KCNH1: variants seen among roughly 807,000 people sequenced by gnomAD.
KCNH1 encodes potassium voltage-gated channel subfamily H member 1, also known as voltage-gated delayed rectifier potassium channel KCNH1.
In KCNH1, 27 loss-of-function variants were observed where a neutral mutation model predicts 69.2. The ratio of observed to expected loss-of-function variants is 0.39; its 90% CI spans 0.29 to 0.54. The LOEUF (loss-of-function observed/expected upper bound fraction) is 0.54. KCNH1 is among the 20% of genes least tolerant of loss of function. The pLI is 0.68. For synonymous variants in KCNH1, 456 were observed against 487.7 expected (o/e 0.93, Z 0.86); for missense variants, 798 against 1,261.6 (o/e 0.63, Z 5.57).
intron 1 of KCNH1, among the ~76,000 whole-genome samples, chr1:211,126,124 G>T (rs891637949): frequency 6.6e-6 from 1 of 152,136 alleles, no homozygotes; most frequent in Non-Finnish European, 1.5e-5. Context: ...CAGCACTTTG[G>T]GTAGCTGAGG....
At chr1:210,938,997 G>T (rs1687830878) in intron 6 of KCNH1, among the ~76,000 whole-genome samples, 1 of 152,114 alleles carries the variant, frequency 6.6e-6, no homozygotes, top group Admixed American at 6.6e-5. Flanking sequence ...TGTCTTTATG[G>T]ATGAAAAATT....
chr1:210,887,751 G>C (rs1428284667), intron 7 of KCNH1, among the ~76,000 whole-genome samples: 67 of 150,194 alleles, frequency 4.5e-4, no homozygotes, highest in Admixed American at 1.3e-4. Context: ...AAAAGCAGGG[G>C]TGGCAATGCT....
intron 5 of KCNH1, among the ~76,000 whole-genome samples, chr1:211,038,864 G>T (rs1689944331): frequency 6.6e-6 from 1 of 152,204 alleles, no homozygotes; most frequent in South Asian, 2.1e-4. Flanking sequence ...TAAAAGTTCA[G>T]AAAATTTGCA....
At chr1:210,692,594 A>G (rs952087868) in intron 10 of KCNH1, among the ~76,000 whole-genome samples, 7 of 152,228 alleles carry the variant, frequency 4.6e-5, no homozygotes, top group African/African-American at 1.4e-4. Flanking sequence ...TAAGCAAGGT[A>G]AGGATCTCAA....
intron 7 of KCNH1, among the ~76,000 whole-genome samples, chr1:210,828,348 T>G (rs758914627): frequency 3.3e-5 from 5 of 152,064 alleles, no homozygotes; most frequent in Non-Finnish European, 7.4e-5. Flanking sequence ...CACAGTGTAA[T>G]AAAAGGATAA....
chr1:210,922,907 G>T (rs545292209), intron 6 of KCNH1, among the ~76,000 whole-genome samples: 1 of 152,152 alleles, frequency 6.6e-6, no homozygotes, highest in Non-Finnish European at 1.5e-5. Context: ...TCATAAGGAG[G>T]TCCCTGAAAT....
intron 5 of KCNH1, among the ~76,000 whole-genome samples, chr1:211,060,710 G>C (rs1016553629): frequency 6.6e-6 from 1 of 152,010 alleles, no homozygotes; most frequent in Non-Finnish European, 1.5e-5. Context: ...GGAAAACCTA[G>C]AAGAAATGGG....
In KCNH1 at chr1:210,786,273, T is replaced by C. The variant is rs535220730; in HGVS notation, c.1916-10729A>G. On this transcript the variant is annotated intron_variant, in intron 9 of 10. Coordinates refer to ENST00000271751, the MANE Select transcript of KCNH1 (RefSeq NM_172362.3). The stretch of plus-strand genomic sequence containing the variant: ...GCACACACGTACGGTGTTTAGCATT[T>C]TTATCTCTGAAATCAAAATGTGCCA... 1.7e-4 allele frequency among the ~76,000 whole-genome samples: 26 copies of C among 152,314 alleles called. 1 individual carries two copies. The South Asian group carries it at 5.0e-3, about 29-fold the overall frequency.
In KCNH1 at chr1:210,795,243, C is replaced by T. The variant is rs1432148140; in HGVS notation, c.1915+2265G>A. ...TGTGATCACGTCTCACTGCAACCTC[C>T]GCTTCTGATCCTCCCACCTAAGTCT... On this transcript the variant is annotated intron_variant, in intron 9 of 10. Transcript: ENST00000271751. Among the ~76,000 whole-genome samples the T allele has an allele frequency of 7.2e-5, 11 of 152,236 alleles. 1 individual carries two copies. The South Asian group carries it at 1.2e-3, about 17-fold the overall frequency.
At chr1:210,915,422 T>C (rs1307238840) in intron 7 of KCNH1, among the ~76,000 whole-genome samples, 2 of 152,190 alleles carry the variant, frequency 1.3e-5, no homozygotes, top group African/African-American at 4.8e-5. Flanking sequence ...AGGGCTGGCA[T>C]GGCCTTGTGT....
At chr1:210,821,737 C>T (rs565632209) in intron 7 of KCNH1, among the ~76,000 whole-genome samples, 3 of 151,958 alleles carry the variant, frequency 2.0e-5, no homozygotes, top group East Asian at 1.9e-4. Flanking sequence ...TGAAGCTGTA[C>T]GACTATTTAA....
At chr1:211,056,026 G>A (rs1387071614) in intron 5 of KCNH1, among the ~76,000 whole-genome samples, 3 of 152,136 alleles carry the variant, frequency 2.0e-5, no homozygotes, top group East Asian at 1.9e-4. Context: ...CCTTTTGCTT[G>A]AGGAAGGGAG....
chr1:211,002,141 C>T (rs974346894), intron 6 of KCNH1, among the ~76,000 whole-genome samples: 2 of 151,820 alleles, frequency 1.3e-5, no homozygotes, highest in East Asian at 3.9e-4. Context: ...TGCACATGTA[C>T]ACATATGTAA....
At chr1:211,002,014 G>T (rs1042634156) in intron 6 of KCNH1, among the ~76,000 whole-genome samples, 1 of 151,626 alleles carries the variant, frequency 6.6e-6, no homozygotes, top group Admixed American at 6.6e-5. Flanking sequence ...GCCTGTTGTG[G>T]GGTGGGGGGA....
At chr1:210,904,454 T>A (rs1416521249) in intron 7 of KCNH1, among the ~76,000 whole-genome samples, 2 of 152,004 alleles carry the variant, frequency 1.3e-5, no homozygotes, top group Admixed American at 6.6e-5. Context: ...GCGAAGAAAT[T>A]CTTTTTGAGG....
At chr1:210,709,701 AAGAAAG>A (rs1682006778) in intron 10 of KCNH1, among the ~76,000 whole-genome samples, 1 of 140,308 alleles carries the variant, frequency 7.1e-6, no homozygotes, top group Non-Finnish European at 1.5e-5. Flanking sequence ...AAGAGAGAAA[AAGAAAG>A]AGAAAGAAAG....
chr1:210,924,953 A>G (rs1205599546), intron 6 of KCNH1, among the ~76,000 whole-genome samples: 1 of 152,200 alleles, frequency 6.6e-6, no homozygotes, highest in Non-Finnish European at 1.5e-5. Flanking sequence ...ACCCAGATTA[A>G]AGCCAAAGTA....
intron 10 of KCNH1, among the ~76,000 whole-genome samples, chr1:210,692,602 CAAGAT>C (rs1419782529): frequency 6.6e-6 from 1 of 152,118 alleles, no homozygotes; most frequent in Non-Finnish European, 1.5e-5. Context: ...GTAAGGATCT[CAAGAT>C]GAGATCATCC....
intron 5 of KCNH1, among the ~76,000 whole-genome samples, chr1:211,045,793 T>C (rs1423503691): frequency 6.6e-6 from 1 of 152,200 alleles, no homozygotes; most frequent in East Asian, 1.9e-4. Flanking sequence ...GACTTATGTA[T>C]CTTGTATAAG....
Sources: gnomAD v4.1 joint callset for allele counts (sites outside exome capture counted in the v4.1 genomes callset) on GRCh38, gnomAD v4.1.1 for gene constraint, MANE v1.5 for transcripts, NCBI Gene and HGNC (gene_info 2026-07-23, HGNC 2026-07-21) for gene names.